PLAC8: variants seen among roughly 807,000 people sequenced by gnomAD.
PLAC8 encodes placenta-specific gene 8 protein.
In PLAC8, 6 loss-of-function variants were observed where a neutral mutation model predicts 12.6. The ratio of observed to expected loss-of-function variants is 0.48; its 90% CI spans 0.26 to 0.94. The LOEUF (loss-of-function observed/expected upper bound fraction) is 0.94, where lower values mean the gene tolerates loss of function less well. Among genes scored for constraint, PLAC8 ranks in the 40% least tolerant of loss-of-function variants. The pLI is 0.14. For synonymous variants in PLAC8, 54 were observed against 52.6 expected (o/e 1.03, Z -0.11); for missense variants, 122 against 152.7 (o/e 0.80, Z 1.06).
In PLAC8 at chr4:83,097,585, C is replaced by T. The variant is rs146906282; in HGVS notation, c.244-2794G>A. ...GCCTGGGGACATATGGAGAGCCATG[C>T]CCGCTAGCTATGCTAAAAAGAGTCT... On this transcript the variant is annotated intron_variant, in intron 3 of 4. Transcript: ENST00000311507. Among the ~76,000 whole-genome samples, 794 of 152,210 alleles carry T rather than the reference C, an allele frequency of 5.2e-3. 5 individuals are homozygous for T. Among genetic ancestry groups the T allele is most frequent in the African/African-American group, 0.018 (732 of 41,514 alleles).
chr4:83,097,322 A>G (rs1047372571), intron 3 of PLAC8, among the ~76,000 whole-genome samples: 7 of 152,092 alleles, frequency 4.6e-5, no homozygotes, highest in Non-Finnish European at 7.4e-5. Flanking sequence ...AAAGCACTTA[A>G]ATAAAATATT....
At chr4:83,100,109 G>A (rs543278100) in intron 3 of PLAC8, among the ~76,000 whole-genome samples, 4 of 151,356 alleles carry the variant, frequency 2.6e-5, no homozygotes, top group Non-Finnish European at 5.9e-5. Flanking sequence ...GTGGAACCCC[G>A]TCTCTACTAA....
intron 3 of PLAC8, among the ~76,000 whole-genome samples, chr4:83,100,264 G>A (rs1355442733): frequency 1.4e-5 from 2 of 144,324 alleles, no homozygotes; most frequent in East Asian, 2.1e-4. Flanking sequence ...CTGGGTGACA[G>A]AGCGAGACTC....
At chr4:83,114,376 T>C (rs562068600) in intron 1 of PLAC8, among the ~76,000 whole-genome samples, 23 of 152,282 alleles carry the variant, frequency 1.5e-4, no homozygotes, top group African/African-American at 5.5e-4. Flanking sequence ...CTAAATACAA[T>C]GTATAATATG....
In PLAC8 at chr4:83,095,837, T is replaced by TA. The variant is rs546143823; in HGVS notation, c.244-1047dup. Among the ~76,000 whole-genome samples the TA allele has an allele frequency of 1.7e-3, 259 of 152,262 alleles. 2 individuals are homozygous for TA. Among genetic ancestry groups the TA allele is most frequent in the African/African-American group, 5.9e-3 (247 of 41,550 alleles). ...CACTTCGTTTCAGGGTTTTGATAAATAAAAAAATTAAAGCTGCATTAGAAA... is the reference window on the plus strand; with the variant it reads ...CACTTCGTTTCAGGGTTTTGATAAATAAAAAAAATTAAAGCTGCATTAGAAA... On this transcript the variant is annotated intron_variant, in intron 3 of 4. Coordinates refer to ENST00000311507, the MANE Select transcript of PLAC8 (RefSeq NM_016619.3).
intron 3 of PLAC8, among the ~76,000 whole-genome samples, chr4:83,096,981 A>G (rs1016933217): frequency 5.9e-5 from 9 of 152,332 alleles, no homozygotes; most frequent in African/African-American, 2.2e-4. Flanking sequence ...AAAGCACTGC[A>G]CCGTCTTCTC....
rs1471442582 is a variant in PLAC8 at position 83,090,327 on chromosome 4, AGACCAGCCT to A, written c.*645_*653del. 1 of 152,066 alleles carries A rather than the reference AGACCAGCCT, an allele frequency of 6.6e-6. No individual in the cohort carries two copies. Among genetic ancestry groups the A allele is most frequent in the African/African-American group, 2.4e-5 (1 of 41,390 alleles). 9.4% of individuals were successfully genotyped at this position (152,066 alleles called of 1,614,324 possible). On this transcript the variant is annotated 3_prime_UTR_variant, in exon 5 of 5. Transcript: ENST00000311507. Reference sequence around the variant, plus strand: ...GGTGGATCACGAGGTCAGGAGTTCGAGACCAGCCTGACCAAGATGGTGAAACCCCGTCTC... The same window carrying A: ...GGTGGATCACGAGGTCAGGAGTTCGAGACCAAGATGGTGAAACCCCGTCTC...
rs1731772080 is a variant in PLAC8, at chr4:83,090,156, A to G, written c.*825T>C. The G allele has an allele frequency of 1.3e-5, 2 of 152,072 alleles. No homozygotes were observed. The highest frequency in any genetic ancestry group is 4.2e-4 in the South Asian group (2 of 4,808). 9.4% of individuals were successfully genotyped at this position (152,072 alleles called of 1,614,324 possible). On this transcript the variant is annotated 3_prime_UTR_variant, in exon 5 of 5. Coordinates refer to ENST00000311507, the MANE Select transcript of PLAC8 (RefSeq NM_016619.3). The stretch of plus-strand genomic sequence containing the variant: ...TATGGTGCAGTGGCTCACACCTGTA[A>G]TTCCAGCACCTTGGGAGGCTGAGAT...
chr4:83,094,720 A>G lies in PLAC8; in HGVS notation c.315T>C (p.Asp105=), dbSNP rs201326728. 6.7e-5 allele frequency: 108 copies of G among 1,606,088 alleles called. No individual in the cohort carries two copies. The South Asian group carries it at 1.1e-3, about 17-fold the overall frequency. Residue 105 remains aspartate, a synonymous_variant, in exon 4 of 5, where the codon GAT becomes GAC. Coordinates refer to ENST00000311507, the MANE Select transcript of PLAC8 (RefSeq NM_016619.3). ...TACGCATGGCTCTCCTTCTGTTGAT[A>G]TCTCTCTTGATTTGGCAAAGAGTAC... ...PHCTLCQIKR[D]INRRRAMRTF
chr4:83,092,810 C>CTTTTTTTTTTT (rs70946966), intron 4 of PLAC8: 4 of 84,870 alleles, frequency 4.7e-5, no homozygotes, highest in Admixed American at 1.4e-4. Context: ...TTTTCTTTTC[C>CTTTTTTTTTTT]TTTTTTTTTT....
rs548810375 is a variant in PLAC8 at position 83,108,416 on chromosome 4, A to T, written c.-29-466T>A. Among the ~76,000 whole-genome samples, 136 of 152,266 alleles carry T rather than the reference A, an allele frequency of 8.9e-4. 1 individual carries two copies. The highest frequency in any genetic ancestry group is 3.2e-3 in the African/African-American group (133 of 41,554). ...GAGACCAGCCTGGCCAGTATGGCGA[A>T]ACCCCGCCTCTACTAAAAATGCAAA... is the stretch of plus-strand genomic sequence containing the variant. On this transcript the variant is annotated intron_variant, in intron 1 of 4. Coordinates refer to ENST00000311507, the MANE Select transcript of PLAC8 (RefSeq NM_016619.3).
At chr4:83,102,306 C>A (rs1309701300) in intron 3 of PLAC8, among the ~76,000 whole-genome samples, 2 of 151,968 alleles carry the variant, frequency 1.3e-5, no homozygotes, top group Admixed American at 1.3e-4. Flanking sequence ...CCAAGGCAGG[C>A]GGATCACTTG....
intron 3 of PLAC8, among the ~76,000 whole-genome samples, chr4:83,103,434 T>C (rs1732157593): frequency 6.6e-6 from 1 of 152,088 alleles, no homozygotes; most frequent in Admixed American, 6.5e-5. Context: ...TTTCTTGAGA[T>C]GGAATCAACT....
In PLAC8 at chr4:83,094,295, C is replaced by T. The variant is rs192784355; in HGVS notation, c.*9+383G>A. On this transcript the variant is annotated intron_variant, in intron 4 of 4. Transcript: ENST00000311507. ...CAAATATCATACAGAATGTTATTTT[C>T]TTTACTCTTCTATTTTATAATTATT... 52 of 162,048 alleles carry T rather than the reference C, an allele frequency of 3.2e-4. No individual in the cohort carries two copies. The East Asian group carries it at 3.2e-3, about 10-fold the overall frequency. 10.0% of individuals were successfully genotyped at this position (162,048 alleles called of 1,614,324 possible).
intron 3 of PLAC8, among the ~76,000 whole-genome samples, chr4:83,095,256 T>C (rs1391365243): frequency 1.3e-5 from 2 of 152,146 alleles, no homozygotes; most frequent in Non-Finnish European, 2.9e-5. Context: ...CTAGGAATAA[T>C]GGGCAACTAG....
chr4:83,104,921 A>T lies in PLAC8; in HGVS notation c.218T>A (p.Leu73His). 2 of 1,614,128 alleles carry T rather than the reference A, an allele frequency of 1.2e-6. No homozygotes were observed. Among genetic ancestry groups the T allele is most frequent in the Non-Finnish European group, 1.7e-6 (2 of 1,180,000 alleles). ...LCGTSVAMRT[L>H]YRTRYGIPGS... is the part of the protein sequence containing the mutation. ...AGGGATGCCATATCGGGTCCTGTAG[A>T]GAGTCCTCATTGCGACGCTTGTTCC... Residue 73 changes from leucine to histidine, a missense_variant, in exon 3 of 5, where the codon CTC becomes CAC. Physicochemically the swap from Leu to His is moderately conservative, Grantham distance 99. Coordinates refer to ENST00000311507, the MANE Select transcript of PLAC8 (RefSeq NM_016619.3).
chr4:83,107,620 C>G (rs1273061829), intron 2 of PLAC8, among the ~76,000 whole-genome samples, 184 bp downstream of exon 2: 4 of 13,856 alleles, frequency 2.9e-4, no homozygotes, highest in African/African-American at 6.5e-4. Flanking sequence ...CATACGGAGG[C>G]TTTTTTTTTT....
At position 83,104,889 on chromosome 4, in the gene PLAC8, G is replaced by T. The variant is rs552464940; in HGVS notation, c.243+7C>A. 5.0e-6 allele frequency: 8 copies of T among 1,613,674 alleles called. No individual in the cohort carries two copies. In the South Asian group the frequency reaches 8.8e-5, roughly 18 times the overall value. On this transcript the variant is annotated splice_region_variant and intron_variant, in intron 3 of 4. Coordinates refer to ENST00000311507, the MANE Select transcript of PLAC8 (RefSeq NM_016619.3). ...ATTTGAGTGAGATGGTATGGTAAGA[G>T]ACTCACAGGGATGCCATATCGGGTC...
Position 83,090,691 on chromosome 4 carries a change from T to C in PLAC8, c.*290A>G, listed in dbSNP as rs1267987109. 3 of 151,846 alleles carry C rather than the reference T, an allele frequency of 2.0e-5. No individual in the cohort carries two copies. Among genetic ancestry groups the C allele is most frequent in the African/African-American group, 7.3e-5 (3 of 41,356 alleles). The allele number at this position is 151,846 out of a possible 1,614,324, so 9.4% of individuals were successfully genotyped here. Reference sequence around the variant, plus strand: ...GAGCAAAGAAGCATGAAGAATCTTATCAGTAAAATATTTCATTTGGTTTAT... The same window carrying C: ...GAGCAAAGAAGCATGAAGAATCTTACCAGTAAAATATTTCATTTGGTTTAT... On this transcript the variant is annotated 3_prime_UTR_variant, in exon 5 of 5. Transcript: ENST00000311507.
Sources: allele counts gnomAD v4.1 joint callset (sites outside exome capture counted in the v4.1 genomes callset), GRCh38; gene constraint gnomAD v4.1.1; transcripts MANE v1.5; gene names NCBI Gene and HGNC (gene_info 2026-07-23, HGNC 2026-07-21).